Variants in APPL1 observed in about 807,000 individuals in gnomAD.
APPL1 encodes the protein adaptor protein, phosphotyrosine interacting with PH domain and leucine zipper 1, also known as DCC-interacting protein 13-alpha.
A neutral mutation model predicts 106.8 loss-of-function variants in APPL1; 42 were observed. The ratio of observed to expected loss-of-function variants is 0.39; its 90% CI spans 0.31 to 0.51. The LOEUF (loss-of-function observed/expected upper bound fraction) is 0.51. Ranked by LOEUF, APPL1 falls within the 20% of genes least tolerant of loss-of-function variation. The probability of loss-of-function intolerance (pLI) is 0.75; values close to 1 mark genes in which losing one functional copy is unlikely to be tolerated. For missense variants in APPL1, 769 were observed against 858.2 expected, an observed-to-expected ratio of 0.90 and a Z score of 1.30; for synonymous variants, 263 against 281.8, an observed-to-expected ratio of 0.93 and a Z score of 0.67.
intron 1 of APPL1, among the ~76,000 whole-genome samples, chr3:57,229,526 ATATT>A (rs1370541212): frequency 1.3e-5 from 2 of 150,066 alleles, no homozygotes; most frequent in Non-Finnish European, 3.0e-5. Context: ...GTTTTACAAT[ATATT>A]TGTTTGTTTT....
chr3:57,263,410 C>A (rs1249060199), intron 19 of APPL1, among the ~76,000 whole-genome samples: 1 of 149,276 alleles, frequency 6.7e-6, no homozygotes, highest in African/African-American at 2.5e-5. Flanking sequence ...CATCCCCACA[C>A]TACCCTTCTC....
intron 19 of APPL1, among the ~76,000 whole-genome samples, chr3:57,265,532 CTTTA>C (rs780754025): frequency 1.6e-4 from 24 of 150,968 alleles, no homozygotes; most frequent in Non-Finnish European, 2.9e-4. Flanking sequence ...AGTGAGATTA[CTTTA>C]TTTATTTCTT....
chr3:57,228,018 G>T lies in APPL1; in HGVS notation c.54+81G>T. 1 of 1,245,710 alleles carries T rather than the reference G, an allele frequency of 8.0e-7. No individual in the cohort carries two copies. Among genetic ancestry groups the T allele is most frequent in the Non-Finnish European group, 1.0e-6 (1 of 958,862 alleles). 77.2% of individuals were successfully genotyped at this position (1,245,710 alleles called of 1,614,324 possible). A position where few individuals can be genotyped will look rare whatever the true frequency, so the allele number is the denominator to read the frequency against. On this transcript the variant is annotated intron_variant, in intron 1 of 21. Transcript: ENST00000288266. The surrounding 1 kb of genome is among the most constrained non-coding windows in gnomAD (Gnocchi z 4.6). The stretch of plus-strand genomic sequence containing the variant: ...TCTGGCGCCTCCGCGGCTCCCGCAG[G>T]TGCCCGCCCCGGCCCAGGTGGGGGC...
intron 21 of APPL1, chr3:57,268,740 G>A (rs552433976): frequency 2.8e-4 from 65 of 234,944 alleles, no homozygotes; most frequent in Middle Eastern, 1.4e-3. Context: ...AGAGGAGGTT[G>A]TCTCTGTCAA....
intron 20 of APPL1, 132 bp from the exon 21 acceptor site, chr3:57,268,266 A>T (rs1166906870): frequency 2.3e-6 from 2 of 886,854 alleles, no homozygotes; most frequent in African/African-American, 3.3e-5. Flanking sequence ...ATTGAATATA[A>T]ACTGTTGATG....
rs201654453 is a variant in APPL1, at chr3:57,238,045, C to G, written c.214C>G (p.Arg72Gly). Residue 72 changes from arginine (R) to glycine (G), a missense_variant and splice_region_variant, in exon 4 of 22, where the codon CGT (arginine) becomes GGT (glycine). Coordinates refer to ENST00000288266, the MANE Select transcript of APPL1 (RefSeq NM_012096.3). ...SKLLKEYEKQ[R>G]FPLGGDDEVM... ...ACCTCATCTGTTTCTTGCTTTTCAG[C>G]GTTTTCCATTGGGAGGTGATGATGA... 2 of 1,606,628 alleles carry G rather than the reference C, an allele frequency of 1.2e-6. No individual in the cohort carries two copies. Among genetic ancestry groups the G allele is most frequent in the African/African-American group, 2.7e-5 (2 of 74,620 alleles).
At chr3:57,256,808 T>C in intron 13 of APPL1, 149 bp from the exon 14 acceptor site, 2 of 605,794 alleles carry the variant, frequency 3.3e-6, no homozygotes, top group Non-Finnish European at 5.8e-6. Context: ...TACCCTAATA[T>C]TAAGACGAGG....
At chr3:57,242,641 T>A (rs982968306) in intron 6 of APPL1, among the ~76,000 whole-genome samples, 3 of 152,206 alleles carry the variant, frequency 2.0e-5, no homozygotes, top group African/African-American at 7.2e-5. Flanking sequence ...AGTGCATTAG[T>A]TTCCTTGGAA....
chr3:57,247,570 T>C, intron 9 of APPL1, 93 bp downstream of exon 9: 1 of 831,702 alleles, frequency 1.2e-6, no homozygotes, highest in Non-Finnish European at 1.8e-6. Flanking sequence ...TTTACTTTCC[T>C]GAGGGAATAT....
At chr3:57,251,915 T>A (rs1462302772) in intron 11 of APPL1, among the ~76,000 whole-genome samples, 1 of 152,182 alleles carries the variant, frequency 6.6e-6, no homozygotes, top group African/African-American at 2.4e-5. Flanking sequence ...GGATCATTGA[T>A]GTATATTTGA....
chr3:57,232,101 TTGAAAA>T (rs1270215012), intron 1 of APPL1, among the ~76,000 whole-genome samples: 1 of 152,210 alleles, frequency 6.6e-6, no homozygotes, highest in Non-Finnish European at 1.5e-5. Context: ...ATATGTTGTT[TTGAAAA>T]TCAAAATCAA....
intron 7 of APPL1, among the ~76,000 whole-genome samples, chr3:57,244,881 GGA>G (rs1356998374): frequency 6.6e-6 from 1 of 152,170 alleles, no homozygotes; most frequent in Non-Finnish European, 1.5e-5. Flanking sequence ...TACTGAAAAT[GGA>G]GAGGAAGGAG....
intron 11 of APPL1, among the ~76,000 whole-genome samples, chr3:57,251,405 T>C (rs899804697): frequency 2.0e-5 from 3 of 151,058 alleles, no homozygotes; most frequent in Non-Finnish European, 4.4e-5. Flanking sequence ...GTGCCTGTAA[T>C]CCTACCTACT....
chr3:57,246,039 A>T (rs759546363), intron 7 of APPL1, 37 bp from the exon 8 acceptor site: 1 of 1,467,604 alleles, frequency 6.8e-7, no homozygotes. Context: ...ATAATAGCAG[A>T]TTATTTACTT....
rs2060784856 is a variant in APPL1 at position 57,248,221 on chromosome 3, G to C, written c.733G>C (p.Glu245Gln). ...TCGCAGGGAAATGGACAGTGATATAGAGACCATGCAACAGACAATAGAGGA... is the reference window on the plus strand; with the variant it reads ...TCGCAGGGAAATGGACAGTGATATACAGACCATGCAACAGACAATAGAGGA... The part of the protein sequence containing the change: ...NVRREMDSDI[E>Q]TMQQTIEDLE... The change falls in exon 10 of 22, where the codon GAG becomes CAG. Residue 245 changes from glutamate to glutamine, a missense_variant. By Grantham distance (29) the Glu-to-Gln change is conservative. Coordinates refer to ENST00000288266, the MANE Select transcript of APPL1 (RefSeq NM_012096.3). 1 of 1,614,124 alleles carries C rather than the reference G, an allele frequency of 6.2e-7. No homozygotes were observed. Among genetic ancestry groups the C allele is most frequent in the Middle Eastern group, 1.6e-4 (1 of 6,062 alleles).
At chr3:57,244,496 G>A (rs968211660) in intron 7 of APPL1, among the ~76,000 whole-genome samples, 1 of 152,132 alleles carries the variant, frequency 6.6e-6, no homozygotes, top group African/African-American at 2.4e-5. Context: ...TTACATTAAA[G>A]ATAAGTGGAT....
At chr3:57,258,937 T>A (rs1442260802) in intron 15 of APPL1, 91 bp from the exon 16 acceptor site, 27 of 944,874 alleles carry the variant, frequency 2.9e-5, no homozygotes, top group African/African-American at 1.2e-4. Flanking sequence ...TTTTTTTTTT[T>A]AAATGTTAAC....
chr3:57,237,899 T>G, intron 3 of APPL1, 146 bp from the exon 4 acceptor site: 1 of 626,620 alleles, frequency 1.6e-6, no homozygotes, highest in Non-Finnish European at 2.8e-6. Context: ...ATTATATACA[T>G]TACACAATTT....
At position 57,260,647 on chromosome 3, in the gene APPL1, T is replaced by C. The variant is rs750199133; in HGVS notation, c.1715T>C (p.Val572Ala). 3 of 1,610,470 alleles carry C rather than the reference T, an allele frequency of 1.9e-6. No individual in the cohort carries two copies. Among genetic ancestry groups the C allele is most frequent in the Non-Finnish European group, 8.5e-7 (1 of 1,177,824 alleles). The change falls in exon 19 of 22, where the codon GTT becomes GCT. Residue 572 changes from valine to alanine, a missense_variant. Physicochemically the swap from Val to Ala is moderately conservative, Grantham distance 64. Coordinates refer to ENST00000288266, the MANE Select transcript of APPL1 (RefSeq NM_012096.3). ...TRLTFPLPCV[V>A]LYATHQENKR... ...TGGCAGTTTCCATTACCTTGTGTAG[T>C]TTTGTATGCTACACACCAGGAAAAT...
Sources: allele counts gnomAD v4.1 joint callset (sites outside exome capture counted in the v4.1 genomes callset), GRCh38; gene constraint gnomAD v4.1.1; non-coding constraint Gnocchi (gnomAD v3.1); transcripts MANE v1.5; gene names NCBI Gene and HGNC (gene_info 2026-07-23, HGNC 2026-07-21).